PLPPR5: variants seen among roughly 807,000 people sequenced by gnomAD.
PLPPR5 encodes phospholipid phosphatase related 5, also known as phospholipid phosphatase-related protein type 5.
PLPPR5 carries 16 observed loss-of-function variants against 33.9 expected under a neutral mutation model. That is an observed-to-expected ratio of 0.47 (90% CI 0.32 to 0.72). The LOEUF (loss-of-function observed/expected upper bound fraction) is 0.72. Ranked by LOEUF, PLPPR5 falls within the 30% of genes least tolerant of loss-of-function variation. The pLI is 0.03. For synonymous variants in PLPPR5, 163 were observed against 150.3 expected, an observed-to-expected ratio of 1.08 and a Z score of -0.62; for missense variants, 301 against 406.7, an observed-to-expected ratio of 0.74 and a Z score of 2.23.
At chr1:98,989,795 C>T (rs1213535131) in intron 1 of PLPPR5, among the ~76,000 whole-genome samples, 8 of 152,128 alleles carry the variant, frequency 5.3e-5, no homozygotes, top group African/African-American at 1.9e-4. Context: ...GTGAAATAAC[C>T]AATCTGCTTT....
rs1299063764 is a variant in PLPPR5, at chr1:98,914,935, G to T, written c.799-15C>A. 1.9e-6 allele frequency: 3 copies of T among 1,604,808 alleles called. No homozygotes were observed. The African/African-American group carries it at 4.0e-5, about 21-fold the overall frequency. ...ACGCACACAACCTAAAATTTCAGAAGACAATTACAGTTAAAGCAAACTGTG... is the reference window on the plus strand; with the variant it reads ...ACGCACACAACCTAAAATTTCAGAATACAATTACAGTTAAAGCAAACTGTG... On this transcript the variant is annotated splice_polypyrimidine_tract_variant and intron_variant, in intron 4 of 5. Coordinates refer to ENST00000263177, the MANE Select transcript of PLPPR5 (RefSeq NM_001037317.2).
chr1:98,932,922 T>A (rs1442180267), intron 3 of PLPPR5, among the ~76,000 whole-genome samples: 1 of 152,156 alleles, frequency 6.6e-6, no homozygotes, highest in East Asian at 1.9e-4. Context: ...CCACACTCCT[T>A]TATCTGAGCC....
chr1:98,929,780 T>C (rs1018419809), intron 3 of PLPPR5, among the ~76,000 whole-genome samples: 1 of 152,192 alleles, frequency 6.6e-6, no homozygotes, highest in African/African-American at 2.4e-5. Flanking sequence ...ACTGCACATA[T>C]GGCACTTCAT....
intron 5 of PLPPR5, among the ~76,000 whole-genome samples, chr1:98,914,007 G>C (rs1649249516): frequency 6.6e-6 from 1 of 152,146 alleles, no homozygotes; most frequent in African/African-American, 2.4e-5. Context: ...AGCACGACTG[G>C]TGTTTTCCTG....
At chr1:98,921,697 T>C (rs1386647019) in intron 4 of PLPPR5, among the ~76,000 whole-genome samples, 185 bp downstream of exon 4, 1 of 152,168 alleles carries the variant, frequency 6.6e-6, no homozygotes, top group African/African-American at 2.4e-5. Flanking sequence ...ACCTGACTTG[T>C]GGCAGAACAA....
At chr1:98,980,731 C>T (rs1209969602) in intron 1 of PLPPR5, among the ~76,000 whole-genome samples, 2 of 152,004 alleles carry the variant, frequency 1.3e-5, no homozygotes. Flanking sequence ...ATGTATTATA[C>T]AGGTGAACAC....
intron 1 of PLPPR5, among the ~76,000 whole-genome samples, chr1:98,983,282 C>T (rs1315890366): frequency 7.5e-6 from 1 of 133,828 alleles, no homozygotes; most frequent in Non-Finnish European, 1.6e-5. Flanking sequence ...ATTCCCCTTC[C>T]TGTGTCCATG....
At chr1:98,953,376 T>TGTGTGTGC in intron 2 of PLPPR5, 56 bp from the exon 3 acceptor site, 2 of 1,536,292 alleles carry the variant, frequency 1.3e-6, no homozygotes, top group Non-Finnish European at 1.7e-6. Context: ...TGTGTGTGTG[T>TGTGTGTGC]GTGTGTGTGT....
intron 5 of PLPPR5, among the ~76,000 whole-genome samples, chr1:98,904,556 C>A (rs774289537): frequency 9.2e-5 from 14 of 151,780 alleles, no homozygotes; most frequent in Non-Finnish European, 1.6e-4. Context: ...AAGCCTTTTT[C>A]TCTATATTTT....
chr1:99,003,737 A>G (rs1020363461), intron 1 of PLPPR5, among the ~76,000 whole-genome samples: 1 of 152,214 alleles, frequency 6.6e-6, no homozygotes, highest in Non-Finnish European at 1.5e-5. Flanking sequence ...GTGAGGTTCT[A>G]AGAGAAAAGG....
chr1:98,926,511 T>G (rs551523171), intron 3 of PLPPR5, among the ~76,000 whole-genome samples: 1 of 150,898 alleles, frequency 6.6e-6, no homozygotes, highest in Non-Finnish European at 1.5e-5. Context: ...AATAACTTCA[T>G]AGCATTATTG....
At chr1:98,951,866 T>C (rs1214592979) in intron 3 of PLPPR5, among the ~76,000 whole-genome samples, 1 of 152,118 alleles carries the variant, frequency 6.6e-6, no homozygotes, top group Non-Finnish European at 1.5e-5. Context: ...TCAAATTTGG[T>C]TTCGAATTGG....
chr1:98,934,423 A>C (rs1650103888), intron 3 of PLPPR5, among the ~76,000 whole-genome samples: 1 of 152,230 alleles, frequency 6.6e-6, no homozygotes, highest in African/African-American at 2.4e-5. Context: ...AAAGTTTAAA[A>C]ACAGCTTGAG....
chr1:98,918,001 T>C (rs1022686085), intron 4 of PLPPR5, among the ~76,000 whole-genome samples: 1 of 152,234 alleles, frequency 6.6e-6, no homozygotes, highest in Admixed American at 6.5e-5. Context: ...CATTAGTGAC[T>C]TCCGCATGTA....
chr1:98,971,885 G>A (rs1651674582), intron 1 of PLPPR5, among the ~76,000 whole-genome samples: 1 of 152,028 alleles, frequency 6.6e-6, no homozygotes, highest in African/African-American at 2.4e-5. Flanking sequence ...GAGTTCTCAT[G>A]TTGACACAGA....
chr1:98,965,201 T>C (rs1436924957), intron 1 of PLPPR5, among the ~76,000 whole-genome samples: 1 of 152,056 alleles, frequency 6.6e-6, no homozygotes, highest in Non-Finnish European at 1.5e-5. Context: ...ATCTGACAGT[T>C]TACCTCATTG....
At chr1:98,993,267 C>T (rs1652519225) in intron 1 of PLPPR5, among the ~76,000 whole-genome samples, 1 of 152,016 alleles carries the variant, frequency 6.6e-6, no homozygotes, top group Non-Finnish European at 1.5e-5. Context: ...TATGAAGAAG[C>T]ATGTTCTCTT....
At chr1:98,997,625 T>G (rs1156682132) in intron 1 of PLPPR5, among the ~76,000 whole-genome samples, 1 of 152,214 alleles carries the variant, frequency 6.6e-6, no homozygotes, top group African/African-American at 2.4e-5. Context: ...ATTTTTTTAA[T>G]CTTTGCTATT....
intron 3 of PLPPR5, among the ~76,000 whole-genome samples, chr1:98,923,618 C>A (rs1015558997): frequency 2.6e-5 from 4 of 152,048 alleles, no homozygotes; most frequent in African/African-American, 9.7e-5. Flanking sequence ...ATCTCTCTAG[C>A]CAAGTTCTAG....
Sources: gnomAD v4.1 joint callset for allele counts (sites outside exome capture counted in the v4.1 genomes callset) on GRCh38, gnomAD v4.1.1 for gene constraint, MANE v1.5 for transcripts, NCBI Gene and HGNC (gene_info 2026-07-23, HGNC 2026-07-21) for gene names.